Variants in CLYBL observed in about 807,000 individuals in gnomAD.
CLYBL encodes citramalyl-CoA lyase, also known as citramalyl-CoA lyase, mitochondrial.
CLYBL carries 31 observed loss-of-function variants against 38.9 expected under a neutral mutation model. The observed-to-expected ratio is 0.80, with a 90% confidence interval of 0.60 to 1.08. The LOEUF is 1.08. CLYBL is among the 50% of genes least tolerant of loss of function. The probability of loss-of-function intolerance (pLI) is 0.00; values close to 1 mark genes in which losing one functional copy is unlikely to be tolerated. For synonymous variants in CLYBL, 171 were observed against 158.6 expected, an observed-to-expected ratio of 1.08 and a Z score of -0.59; for missense variants, 434 against 411.6, an observed-to-expected ratio of 1.05 and a Z score of -0.47.
At chr13:99,614,963 GCAGAATGTTTGAGTGGCACGAGTACTT>G (rs2046686657) in intron 1 of CLYBL, among the ~76,000 whole-genome samples, 1 of 152,174 alleles carries the variant, frequency 6.6e-6, no homozygotes, top group South Asian at 2.1e-4. Flanking sequence ...CCCATATTCT[GCAGAATGTTTGAGTGGCACGAGTACTT>G]CATTCGTCTA....
intron 2 of CLYBL, among the ~76,000 whole-genome samples, chr13:99,834,464 A>G (rs1774676989): frequency 6.6e-6 from 1 of 152,180 alleles, no homozygotes; most frequent in African/African-American, 2.4e-5. Flanking sequence ...ATTGCAGGGA[A>G]CACTCATTCC....
At chr13:99,656,635 T>G (rs374410475) in intron 1 of CLYBL, among the ~76,000 whole-genome samples, 1 of 152,160 alleles carries the variant, frequency 6.6e-6, no homozygotes, top group East Asian at 1.9e-4. Context: ...AACCTGTTTC[T>G]CTCTCAGTCA....
At chr13:99,704,337 A>G (rs1005933344) in intron 1 of CLYBL, among the ~76,000 whole-genome samples, 4 of 152,180 alleles carry the variant, frequency 2.6e-5, no homozygotes, top group African/African-American at 9.7e-5. Flanking sequence ...TATTACTTTG[A>G]TGGTTACTTT....
chr13:99,676,186 G>T (rs112050285), intron 1 of CLYBL, among the ~76,000 whole-genome samples: 1,817 of 132,926 alleles, frequency 0.014, 42 homozygotes, highest in African/African-American at 0.048. Flanking sequence ...CCCTCCGTCC[G>T]TCCTTCCTTC....
At chr13:99,757,542 G>A (rs183903236) in intron 1 of CLYBL, among the ~76,000 whole-genome samples, 5 of 152,154 alleles carry the variant, frequency 3.3e-5, no homozygotes, top group Admixed American at 6.5e-5. Context: ...TGCAACTTCC[G>A]CCTCTTGGGT....
At chr13:99,676,186 GTCCTTCCTTCCTTCCTTCCTTCCT>G (rs35403713) in intron 1 of CLYBL, among the ~76,000 whole-genome samples, 40,803 of 133,066 alleles carry the variant, frequency 0.31, 6,900 homozygotes, top group East Asian at 0.55. Flanking sequence ...CCCTCCGTCC[GTCCTTCCTTCCTTCCTTCCTTCCT>G]TCCTTCCTTC....
At chr13:99,767,946 C>T (rs1218961774) in intron 1 of CLYBL, among the ~76,000 whole-genome samples, 3 of 152,108 alleles carry the variant, frequency 2.0e-5, no homozygotes, top group Non-Finnish European at 4.4e-5. Context: ...GGGACCGTTT[C>T]TGTTGACTTA....
At chr13:99,642,829 G>A (rs2047116139) in intron 1 of CLYBL, among the ~76,000 whole-genome samples, 1 of 151,440 alleles carries the variant, frequency 6.6e-6, no homozygotes, top group Admixed American at 6.6e-5. Flanking sequence ...TGCAATCTTG[G>A]CTCACTGCAG....
At chr13:99,830,506 A>C (rs2050784200) in intron 2 of CLYBL, among the ~76,000 whole-genome samples, 1 of 152,220 alleles carries the variant, frequency 6.6e-6, no homozygotes, top group Non-Finnish European at 1.5e-5. Context: ...CCCTCAGCCC[A>C]GGAATGTTGC....
chr13:99,611,203 C>T (rs2046621492), intron 1 of CLYBL, among the ~76,000 whole-genome samples: 1 of 152,174 alleles, frequency 6.6e-6, no homozygotes, highest in South Asian at 2.1e-4. Context: ...AATAAATGAT[C>T]CCTATATTGC....
intron 1 of CLYBL, among the ~76,000 whole-genome samples, chr13:99,656,717 A>AT (rs760535293): frequency 3.9e-5 from 6 of 152,308 alleles, no homozygotes; most frequent in East Asian, 3.9e-4. Flanking sequence ...TAGGTAACAA[A>AT]TTTTTTTAAA....
rs138666798 is a variant in CLYBL, at chr13:99,800,043, A to G, written c.249+27033A>G. Among the ~76,000 whole-genome samples, 212 of 152,318 alleles carry G rather than the reference A, an allele frequency of 1.4e-3. 1 individual carries two copies. Among genetic ancestry groups the G allele is most frequent in the African/African-American group, 4.9e-3 (202 of 41,580 alleles). On this transcript the variant is annotated intron_variant, in intron 2 of 8. Coordinates refer to ENST00000339105, the MANE Select transcript of CLYBL (RefSeq NM_206808.5). ...AGGCTTTGGCTCCTGCCAAAAGGAA[A>G]TGTTCCTGGGAGGAACATGACTGCA...
At chr13:99,881,700 G>A (rs1484226543) in intron 7 of CLYBL, among the ~76,000 whole-genome samples, 1 of 151,494 alleles carries the variant, frequency 6.6e-6, no homozygotes, top group Non-Finnish European at 1.5e-5. Flanking sequence ...GTGATTACAA[G>A]CGTTGAGCCA....
intron 2 of CLYBL, among the ~76,000 whole-genome samples, chr13:99,829,366 C>G (rs1488103408): frequency 6.6e-6 from 1 of 152,152 alleles, no homozygotes; most frequent in Non-Finnish European, 1.5e-5. Flanking sequence ...GTTAAGACAG[C>G]CGGAGCAGGG....
At chr13:99,791,974 ACT>A (rs1434005712) in intron 2 of CLYBL, among the ~76,000 whole-genome samples, 1 of 152,110 alleles carries the variant, frequency 6.6e-6, no homozygotes, top group African/African-American at 2.4e-5. Context: ...CAAAGAAAAG[ACT>A]CTAATGCCAG....
intron 1 of CLYBL, among the ~76,000 whole-genome samples, chr13:99,668,989 ACTT>A (rs2047524341): frequency 1.3e-5 from 2 of 149,418 alleles, no homozygotes; most frequent in African/African-American, 4.9e-5. Flanking sequence ...TCTAGGGGTG[ACTT>A]TATAGGCCCT....
At chr13:99,895,579 G>A (rs1378753115), downstream of CLYBL, 1 of 152,210 alleles carries the variant, frequency 6.6e-6, no homozygotes, top group Non-Finnish European at 1.5e-5. Flanking sequence ...CGGTCCCCAC[G>A]GAGGATCAGT....
intron 1 of CLYBL, among the ~76,000 whole-genome samples, chr13:99,715,360 G>A (rs1196610515): frequency 6.6e-6 from 1 of 151,948 alleles, no homozygotes; most frequent in Admixed American, 6.6e-5. Flanking sequence ...TTTGGAATGG[G>A]ACAGGTTAAG....
At chr13:99,854,819 C>T (rs961032876) in intron 2 of CLYBL, among the ~76,000 whole-genome samples, 14 of 152,176 alleles carry the variant, frequency 9.2e-5, no homozygotes, top group African/African-American at 3.1e-4. Context: ...TGATAGGAAT[C>T]CAGTCTCTGA....
Sources: gnomAD v4.1 joint callset for allele counts (sites outside exome capture counted in the v4.1 genomes callset) on GRCh38, gnomAD v4.1.1 for gene constraint, MANE v1.5 for transcripts, NCBI Gene and HGNC (gene_info 2026-07-23, HGNC 2026-07-21) for gene names.